The following RNF216 variants were observed in gnomAD, a reference collection of about 807,000 sequenced individuals.
RNF216 encodes E3 ubiquitin-protein ligase RNF216.
A neutral mutation model predicts 110.8 loss-of-function variants in RNF216; 72 were observed. The observed-to-expected ratio is 0.65, with a 90% CI of 0.54 to 0.79. RNF216 has a LOEUF of 0.79. Ranked by LOEUF, RNF216 falls within the 30% of genes least tolerant of loss-of-function variation. The pLI is 0.00. For missense variants in RNF216, 1,342 were observed against 1,141.2 expected (o/e 1.18, Z -2.54); for synonymous variants, 495 against 407.5 (o/e 1.21, Z -2.59).
chr7:5,708,668 G>A (rs914722549), intron 13 of RNF216, among the ~76,000 whole-genome samples: 6 of 152,126 alleles, frequency 3.9e-5, no homozygotes, highest in Non-Finnish European at 7.4e-5. Flanking sequence ...TTTTTCAGGA[G>A]CTTGCAAGCT....
At chr7:5,771,547 T>TG (rs1456489070) in intron 1 of RNF216, among the ~76,000 whole-genome samples, 13 of 151,976 alleles carry the variant, frequency 8.6e-5, no homozygotes, top group African/African-American at 2.7e-4. Context: ...CTGTAATCCC[T>TG]GCACTTTGGA....
chr7:5,693,462 T>C (rs908170243), intron 13 of RNF216, among the ~76,000 whole-genome samples: 2 of 152,206 alleles, frequency 1.3e-5, no homozygotes, highest in Admixed American at 6.5e-5. Context: ...GGGTATTGCA[T>C]TGGATTTCCT....
At chr7:5,765,448 G>A (rs1796153653) in intron 1 of RNF216, among the ~76,000 whole-genome samples, 1 of 151,558 alleles carries the variant, frequency 6.6e-6, no homozygotes, top group Admixed American at 6.6e-5. Context: ...TAGGCAACAG[G>A]GTGAGACTCC....
intron 13 of RNF216, among the ~76,000 whole-genome samples, chr7:5,654,868 T>C (rs915627369): frequency 6.6e-6 from 1 of 151,928 alleles, no homozygotes; most frequent in Non-Finnish European, 1.5e-5. Flanking sequence ...GCCTAACTAT[T>C]ACCCACCGAA....
chr7:5,775,943 A>G (rs1796751389), intron 1 of RNF216, among the ~76,000 whole-genome samples: 1 of 152,008 alleles, frequency 6.6e-6, no homozygotes, highest in African/African-American at 2.4e-5. Flanking sequence ...GTGTCACACC[A>G]GGCCTCCACA....
rs79291391 is a variant in RNF216, at chr7:5,650,255, A to T, written c.2159+2158T>A. ...TGGAATCAACATATATCACATTTGG[A>T]TGTTCTGCTCTTATCCACTTACTGC... On this transcript the variant is annotated intron_variant, in intron 14 of 16. Transcript: ENST00000389902. Among the ~76,000 whole-genome samples, 1,372 of 152,276 alleles carry T rather than the reference A, an allele frequency of 9.0e-3. 18 individuals carry two copies. Among genetic ancestry groups the T allele is most frequent in the African/African-American group, 0.031 (1,307 of 41,534 alleles).
chr7:5,625,093 G>A (rs746280202), intron 15 of RNF216, among the ~76,000 whole-genome samples: 1 of 152,262 alleles, frequency 6.6e-6, no homozygotes, highest in Non-Finnish European at 1.5e-5. Context: ...CTGGCTGCAG[G>A]GCCAAGGGGC....
At chr7:5,705,957 CAAAA>C in intron 13 of RNF216, among the ~76,000 whole-genome samples, 1 of 150,836 alleles carries the variant, frequency 6.6e-6, no homozygotes, top group Non-Finnish European at 1.5e-5. Context: ...CAAAACAAAA[CAAAA>C]CAAAACACCA....
chr7:5,730,911 T>C, intron 5 of RNF216, 94 bp from the exon 6 acceptor site: 1 of 1,536,350 alleles, frequency 6.5e-7, no homozygotes, highest in Non-Finnish European at 8.8e-7. Context: ...TAGTCCTTAG[T>C]CACACATTAC....
chr7:5,759,194 A>C (rs1387727704), intron 2 of RNF216, among the ~76,000 whole-genome samples: 1 of 152,054 alleles, frequency 6.6e-6, no homozygotes, highest in East Asian at 1.9e-4. Flanking sequence ...CATGATTGTA[A>C]GTTTCCTAAG....
chr7:5,664,827 C>T (rs1789402540), intron 13 of RNF216, among the ~76,000 whole-genome samples: 1 of 152,102 alleles, frequency 6.6e-6, no homozygotes, highest in Non-Finnish European at 1.5e-5. Context: ...TGAAGTTTTG[C>T]TCTTGTTGCC....
At chr7:5,692,040 A>T (rs1181338999) in intron 13 of RNF216, among the ~76,000 whole-genome samples, 1 of 152,220 alleles carries the variant, frequency 6.6e-6, no homozygotes, top group Non-Finnish European at 1.5e-5. Flanking sequence ...GGGATTTCAA[A>T]AGGTATAATT....
At chr7:5,698,265 C>A (rs893144745) in intron 13 of RNF216, among the ~76,000 whole-genome samples, 2 of 152,092 alleles carry the variant, frequency 1.3e-5, no homozygotes, top group African/African-American at 4.8e-5. Context: ...AGCAGTTGTA[C>A]TGGAGCAAGG....
Position 5,694,991 on chromosome 7 carries a change from G to C in RNF216, c.2061+16770C>G, listed in dbSNP as rs547792073. 3.9e-5 allele frequency among the ~76,000 whole-genome samples: 6 copies of C among 152,252 alleles called. No homozygotes were observed. The South Asian group carries it at 1.0e-3, about 26-fold the overall frequency. On this transcript the variant is annotated intron_variant, in intron 13 of 16. Transcript: ENST00000389902. Reference sequence around the variant, plus strand: ...CCAACTAAGAACTGTATTTCTATTAGTTAAGGCTTCTGTGGCTCAACTTTA... The same window carrying C: ...CCAACTAAGAACTGTATTTCTATTACTTAAGGCTTCTGTGGCTCAACTTTA...
intron 13 of RNF216, among the ~76,000 whole-genome samples, chr7:5,674,417 A>G (rs1790133801): frequency 6.6e-6 from 1 of 151,770 alleles, no homozygotes; most frequent in Non-Finnish European, 1.5e-5. Flanking sequence ...TCAGCCTCCC[A>G]AAGTGCTAGG....
intron 14 of RNF216, among the ~76,000 whole-genome samples, chr7:5,650,550 T>C (rs1562789700): frequency 6.6e-6 from 1 of 152,050 alleles, no homozygotes; most frequent in African/African-American, 2.4e-5. Flanking sequence ...CAGAATTCAG[T>C]TGAGGTTGTA....
rs754117129 is a variant in RNF216, at chr7:5,741,436, A to G, written c.581T>C (p.Leu194Ser). 1 of 1,614,186 alleles carries G rather than the reference A, an allele frequency of 6.2e-7. No individual in the cohort carries two copies. The highest frequency in any genetic ancestry group is 8.5e-7 in the Non-Finnish European group (1 of 1,180,032). ...TTCGGATGACTGGTTCTGAGTTTCC[A>G]AAGGATCGCTTTCTGTGTAAAGAAG... ...GSLLYTESDP[L>S]ETQNQSSEDS... is the part of the protein sequence containing the mutation. The change falls in exon 4 of 17, where the codon TTG (leucine) becomes TCG (serine). Residue 194 changes from leucine (L) to serine (S), a missense_variant. Physicochemically the swap from Leu to Ser is moderately radical, Grantham distance 145 (BLOSUM62 -2). Transcript: ENST00000389902.
chr7:5,658,835 T>C (rs1788915310), intron 13 of RNF216, among the ~76,000 whole-genome samples: 1 of 152,154 alleles, frequency 6.6e-6, no homozygotes, highest in Non-Finnish European at 1.5e-5. Flanking sequence ...GGGTGTCCTC[T>C]GCACAATTTT....
chr7:5,725,653 C>T (rs1793706052), intron 7 of RNF216, among the ~76,000 whole-genome samples: 1 of 152,076 alleles, frequency 6.6e-6, no homozygotes, highest in Non-Finnish European at 1.5e-5. Flanking sequence ...AGTTCGACAC[C>T]AGTCTGGCCA....
Sources: gnomAD v4.1 joint callset for allele counts (sites outside exome capture counted in the v4.1 genomes callset) on GRCh38, gnomAD v4.1.1 for gene constraint, MANE v1.5 for transcripts, NCBI Gene and HGNC (gene_info 2026-07-23, HGNC 2026-07-21) for gene names.